PGS1: variants seen among roughly 807,000 people sequenced by gnomAD.
The protein encoded by PGS1 is phosphatidylglycerophosphate synthase 1, also known as CDP-diacylglycerol--glycerol-3-phosphate 3-phosphatidyltransferase, mitochondrial.
PGS1 carries 44 observed loss-of-function variants against 58.3 expected under a neutral mutation model. The ratio of observed to expected loss-of-function variants is 0.75; its 90% CI spans 0.59 to 0.97. PGS1 has a LOEUF of 0.97. Ranked by LOEUF, PGS1 falls within the 50% of genes least tolerant of loss-of-function variation. PGS1 has a pLI of 0.00. For synonymous variants in PGS1, 330 were observed against 311.0 expected (o/e 1.06, Z -0.64); for missense variants, 684 against 731.1 (o/e 0.94, Z 0.74).
At chr17:78,420,420 C>T (rs1229576285) in intron 9 of PGS1, 1 of 173,186 alleles carries the variant, frequency 5.8e-6, no homozygotes, top group Non-Finnish European at 1.1e-5. Flanking sequence ...GTCCTGGATC[C>T]CTCAGGGCCT....
chr17:78,422,317 A>AT (rs1313390368), intron 9 of PGS1, among the ~76,000 whole-genome samples: 1 of 151,802 alleles, frequency 6.6e-6, no homozygotes, highest in Non-Finnish European at 1.5e-5. Context: ...GGAGGGGAGG[A>AT]TTTTTCTTTT....
At chr17:78,409,373 A>G (rs537594398) in intron 7 of PGS1, among the ~76,000 whole-genome samples, 1 of 152,406 alleles carries the variant, frequency 6.6e-6, no homozygotes, top group East Asian at 1.9e-4. Flanking sequence ...TTTCTGGCTC[A>G]TGCTGACAGG....
Position 78,411,237 on chromosome 17 carries a change from C to T in PGS1, c.1403-3642C>T, listed in dbSNP as rs985450853. ...CAGCAGGGGCACTGGGAGTGGTGGG[C>T]ACTGAGATTGGAGGGTGGGCAGGGC... On this transcript the variant is annotated intron_variant, in intron 7 of 9. Coordinates refer to ENST00000262764, the MANE Select transcript of PGS1 (RefSeq NM_024419.5). Among the ~76,000 whole-genome samples, 6 of 152,222 alleles carry T rather than the reference C, an allele frequency of 3.9e-5. No individual in the cohort carries two copies. The East Asian group carries it at 1.2e-3, about 29-fold the overall frequency.
intron 8 of PGS1, among the ~76,000 whole-genome samples, chr17:78,418,422 C>CGT (rs1268778757): frequency 2.6e-5 from 4 of 152,102 alleles, no homozygotes; most frequent in East Asian, 1.9e-4. Context: ...ACGATTCTGT[C>CGT]GTGTGTGTGT....
chr17:78,392,724 G>A (rs1005112544), intron 2 of PGS1, 59 bp downstream of exon 2: 1 of 1,329,604 alleles, frequency 7.5e-7, no homozygotes, highest in Non-Finnish European at 1.1e-6. Flanking sequence ...TCAGGTTGGT[G>A]AGTCCTGAGT....
chr17:78,420,199 G>A, intron 9 of PGS1: 1 of 1,000,004 alleles, frequency 1.0e-6, no homozygotes, highest in Non-Finnish European at 1.2e-6. Flanking sequence ...TGACATCCCT[G>A]TGCTGCGGTT....
At chr17:78,403,331 T>C (rs2083845615) in intron 6 of PGS1, among the ~76,000 whole-genome samples, 1 of 152,112 alleles carries the variant, frequency 6.6e-6, no homozygotes, top group Non-Finnish European at 1.5e-5. Flanking sequence ...TACGTCGACA[T>C]GCCTTTCACT....
chr17:78,424,191 C>G lies in PGS1; in HGVS notation c.*141C>G. On this transcript the variant is annotated 3_prime_UTR_variant, in exon 10 of 10. Coordinates refer to ENST00000262764, the MANE Select transcript of PGS1 (RefSeq NM_024419.5). ...TATGGCTGAGGGTCAGGTGTGCTGC[C>G]AGTAAGTGAGGGAGGGGCTGGCAGG... 1 of 1,576,738 alleles carries G rather than the reference C, an allele frequency of 6.3e-7. No homozygotes were observed. Among genetic ancestry groups the G allele is most frequent in the Non-Finnish European group, 8.6e-7 (1 of 1,162,054 alleles).
intron 7 of PGS1, among the ~76,000 whole-genome samples, chr17:78,409,903 A>C (rs996461715): frequency 1.3e-5 from 2 of 152,054 alleles, no homozygotes; most frequent in Non-Finnish European, 2.9e-5. Flanking sequence ...CTGAGGCCAG[A>C]AGTTTGAGAC....
At chr17:78,420,948 TC>T (rs2085675485) in intron 9 of PGS1, 2 of 152,200 alleles carry the variant, frequency 1.3e-5, no homozygotes, top group African/African-American at 2.4e-5. Context: ...ACCAAGAATG[TC>T]TTAGTATCAT....
rs986145193 is a variant in PGS1, at chr17:78,420,057, A to T, written c.*10+382A>T. On this transcript the variant is annotated intron_variant, in intron 9 of 9. Transcript: ENST00000262764. ...TCCAAGCTGAGCACACTGGTGCAGG[A>T]GATGTAGACGTGGGAGGAGGGGAGC... 204 of 1,077,768 alleles carry T rather than the reference A, an allele frequency of 1.9e-4. 1 individual carries two copies. The highest frequency in any genetic ancestry group is 2.3e-4 in the Non-Finnish European group (203 of 882,580). The allele number at this position is 1,077,768 out of a possible 1,614,324, so 66.8% of individuals were successfully genotyped here.
intron 8 of PGS1, among the ~76,000 whole-genome samples, chr17:78,417,753 G>T (rs758838940): frequency 7.9e-5 from 12 of 151,242 alleles, no homozygotes; most frequent in Admixed American, 2.0e-4. Context: ...CGGACATTAC[G>T]GTGGAGAGCG....
chr17:78,419,959 T>G, intron 9 of PGS1: 5 of 1,187,778 alleles, frequency 4.2e-6, no homozygotes, highest in Non-Finnish European at 4.2e-6. Flanking sequence ...CTGCTCTCCC[T>G]TCCCAGGGGG....
intron 2 of PGS1, among the ~76,000 whole-genome samples, chr17:78,394,399 T>C (rs776362536): frequency 6.6e-6 from 1 of 152,056 alleles, no homozygotes; most frequent in African/African-American, 2.4e-5. Flanking sequence ...GTGCATTCTT[T>C]GTGTGCACAC....
At chr17:78,396,829 T>C (rs768565936) in intron 3 of PGS1, among the ~76,000 whole-genome samples, 1 of 152,274 alleles carries the variant, frequency 6.6e-6, no homozygotes, top group Non-Finnish European at 1.5e-5. Context: ...AACAAACTTT[T>C]GTTGGAACAC....
intron 7 of PGS1, among the ~76,000 whole-genome samples, chr17:78,414,200 AG>A (rs1458110265): frequency 6.6e-6 from 1 of 152,188 alleles, no homozygotes; most frequent in Admixed American, 6.5e-5. Flanking sequence ...CATGTTCCTC[AG>A]TCAGAAGGGC....
At chr17:78,411,448 C>T (rs1013936086) in intron 7 of PGS1, among the ~76,000 whole-genome samples, 4 of 152,142 alleles carry the variant, frequency 2.6e-5, no homozygotes, top group Non-Finnish European at 4.4e-5. Flanking sequence ...CTGGTGTCCC[C>T]GCGACACTTG....
At chr17:78,387,138 G>T (rs1318707966) in intron 1 of PGS1, among the ~76,000 whole-genome samples, 1 of 151,982 alleles carries the variant, frequency 6.6e-6, no homozygotes, top group Non-Finnish European at 1.5e-5. Flanking sequence ...CGAGTAGCTG[G>T]GACTATAGGC....
At chr17:78,391,316 G>A (rs1316720084) in intron 1 of PGS1, among the ~76,000 whole-genome samples, 3 of 152,018 alleles carry the variant, frequency 2.0e-5, no homozygotes, top group South Asian at 2.1e-4. Flanking sequence ...TTTTCTTTCC[G>A]AGTCTGATTT....
Sources: gnomAD v4.1 joint callset for allele counts (sites outside exome capture counted in the v4.1 genomes callset) on GRCh38, gnomAD v4.1.1 for gene constraint, MANE v1.5 for transcripts, NCBI Gene and HGNC (gene_info 2026-07-23, HGNC 2026-07-21) for gene names.